CLVS1: variants seen among roughly 807,000 people sequenced by gnomAD.
The protein encoded by CLVS1 is clavesin-1.
A neutral mutation model predicts 33.1 loss-of-function variants in CLVS1; 10 were observed. That is an observed-to-expected ratio of 0.30 (90% CI 0.19 to 0.51). The LOEUF (loss-of-function observed/expected upper bound fraction) is 0.51, where lower values mean the gene tolerates loss of function less well. Among genes scored for constraint, CLVS1 ranks in the 20% least tolerant of loss-of-function variants. The probability of loss-of-function intolerance (pLI) is 0.97; values close to 1 mark genes in which losing one functional copy is unlikely to be tolerated. For synonymous variants in CLVS1, 163 were observed against 166.1 expected, an observed-to-expected ratio of 0.98 and a Z score of 0.14; for missense variants, 343 against 433.4, an observed-to-expected ratio of 0.79 and a Z score of 1.85.
the CLVS1 span, among the ~76,000 whole-genome samples, chr8:61,014,825 T>C: frequency 6.6e-6 from 1 of 152,228 alleles, no homozygotes; most frequent in African/African-American, 2.4e-5. Flanking sequence ...TGCAAAATAA[T>C]CTTATCTCTG....
At chr8:61,247,765 G>A (rs1289918684) in intron 2 of CLVS1, among the ~76,000 whole-genome samples, 1 of 152,114 alleles carries the variant, frequency 6.6e-6, no homozygotes, top group African/African-American at 2.4e-5. Context: ...AGTTTCTTTT[G>A]CTGTGCAGAA....
chr8:61,223,241 G>C (rs1317320415), intron 2 of CLVS1, among the ~76,000 whole-genome samples: 1 of 152,006 alleles, frequency 6.6e-6, no homozygotes, highest in East Asian at 1.9e-4. Flanking sequence ...TGGTTATTTT[G>C]CACACTAGTT....
intron 1 of CLVS1, among the ~76,000 whole-genome samples, chr8:61,105,150 GACTA>G: frequency 6.6e-6 from 1 of 152,252 alleles, no homozygotes; most frequent in South Asian, 2.1e-4. Context: ...TAATTTAAAA[GACTA>G]ACTATATTTG....
intron 5 of CLVS1, among the ~76,000 whole-genome samples, chr8:61,484,215 T>G (rs1319895500): frequency 6.6e-6 from 1 of 152,198 alleles, no homozygotes; most frequent in Non-Finnish European, 1.5e-5. Flanking sequence ...GCCCTAAATC[T>G]CCTTAAGTTG....
At chr8:61,145,389 T>C (rs1338737550) in intron 2 of CLVS1, among the ~76,000 whole-genome samples, 1 of 152,210 alleles carries the variant, frequency 6.6e-6, no homozygotes, top group Non-Finnish European at 1.5e-5. Context: ...ATAAAAACGT[T>C]GGGGTTGGAG....
intron 2 of CLVS1, among the ~76,000 whole-genome samples, chr8:61,353,023 GTTTC>G (rs1300490424): frequency 6.6e-6 from 1 of 152,002 alleles, no homozygotes; most frequent in Non-Finnish European, 1.5e-5. Context: ...AGAGATGACT[GTTTC>G]TTAAATGTGT....
Position 61,059,927 on chromosome 8 carries a change from C to T in CLVS1, c.-243+2697C>T, listed in dbSNP as rs191597761. On this transcript the variant is annotated intron_variant, in intron 1 of 2. Transcript: ENST00000522621. ...AGTAGAAGGGCAGATGTGAAGTATG[C>T]TACTTCTGCCTTCAGTCCTTGAAAT... Among the ~76,000 whole-genome samples the T allele has an allele frequency of 5.7e-4, 86 of 152,192 alleles. 1 individual carries two copies. Among genetic ancestry groups the T allele is most frequent in the African/African-American group, 2.0e-3 (81 of 41,518 alleles).
chr8:61,037,906 C>T, the CLVS1 span, among the ~76,000 whole-genome samples: 1 of 152,162 alleles, frequency 6.6e-6, no homozygotes, highest in Non-Finnish European at 1.5e-5. Flanking sequence ...GCTGGGTGAC[C>T]TTGCTCTGGC....
At chr8:60,998,358 T>G in the CLVS1 span, among the ~76,000 whole-genome samples, 2 of 152,176 alleles carry the variant, frequency 1.3e-5, no homozygotes, top group Non-Finnish European at 2.9e-5. Context: ...GTGAACTTAT[T>G]TGACCTTGAT....
At chr8:61,011,558 C>G in the CLVS1 span, among the ~76,000 whole-genome samples, 1 of 152,104 alleles carries the variant, frequency 6.6e-6, no homozygotes, top group South Asian at 2.1e-4. Flanking sequence ...AAGCGATTCC[C>G]CTGCCTCAGC....
At chr8:61,158,429 G>A (rs1806690177) in intron 2 of CLVS1, among the ~76,000 whole-genome samples, 2 of 152,194 alleles carry the variant, frequency 1.3e-5, no homozygotes, top group South Asian at 2.1e-4. Context: ...AGCACTCAGT[G>A]TGTACAAATT....
At chr8:61,160,112 G>A (rs771638804) in intron 2 of CLVS1, among the ~76,000 whole-genome samples, 1 of 152,176 alleles carries the variant, frequency 6.6e-6, no homozygotes, top group Non-Finnish European at 1.5e-5. Context: ...CTCTGCTGAA[G>A]AAACAGAGGA....
chr8:61,396,303 A>G (rs139988407), intron 3 of CLVS1, among the ~76,000 whole-genome samples: 223 of 152,296 alleles, frequency 1.5e-3, no homozygotes, highest in Admixed American at 2.0e-3. Context: ...CTTTTACTGT[A>G]ATTTGAATAC....
intron 5 of CLVS1, among the ~76,000 whole-genome samples, chr8:61,467,469 C>T (rs1270586437): frequency 6.6e-6 from 1 of 152,174 alleles, no homozygotes; most frequent in Non-Finnish European, 1.5e-5. Flanking sequence ...CTTTGTCCTG[C>T]CTCTGAACCC....
intron 2 of CLVS1, among the ~76,000 whole-genome samples, chr8:61,316,433 A>G (rs1811012594): frequency 6.6e-6 from 1 of 152,168 alleles, no homozygotes; most frequent in African/African-American, 2.4e-5. Flanking sequence ...ACCATATTAT[A>G]TTCTCTTTCT....
chr8:61,427,909 A>G (rs1815953999), intron 3 of CLVS1, among the ~76,000 whole-genome samples: 1 of 152,234 alleles, frequency 6.6e-6, no homozygotes, highest in African/African-American at 2.4e-5. Context: ...AGAGCCCTAC[A>G]AACATTCATC....
rs1013247153 is a variant in CLVS1, at chr8:61,226,987, T to G, written c.-151-72690T>G. Among the ~76,000 whole-genome samples the G allele has an allele frequency of 2.3e-3, 347 of 151,754 alleles. 2 individuals carry two copies. Among genetic ancestry groups the G allele is most frequent in the Admixed American group, 4.1e-3 (62 of 15,268 alleles). The stretch of plus-strand genomic sequence containing the variant: ...GCTATATTACGAAAACATGTTTTTT[T>G]TTTTTTTTTTGTTCAGCTTCAGTGT... On this transcript the variant is annotated intron_variant, in intron 2 of 2. Coordinates refer to the CLVS1 transcript ENST00000522621.
At chr8:61,266,100 T>G (rs1809297132) in intron 2 of CLVS1, among the ~76,000 whole-genome samples, 1 of 152,134 alleles carries the variant, frequency 6.6e-6, no homozygotes, top group Non-Finnish European at 1.5e-5. Flanking sequence ...GTCCTGACAA[T>G]GTTAAAATTT....
chr8:61,267,127 C>A (rs1334955581), intron 2 of CLVS1, among the ~76,000 whole-genome samples: 2 of 152,178 alleles, frequency 1.3e-5, no homozygotes, highest in African/African-American at 2.4e-5. Context: ...GAAAGAAATG[C>A]ATGTTCTGAT....
Sources: gnomAD v4.1 joint callset for allele counts (sites outside exome capture counted in the v4.1 genomes callset) on GRCh38, gnomAD v4.1.1 for gene constraint, MANE v1.5 for transcripts, NCBI Gene and HGNC (gene_info 2026-07-23, HGNC 2026-07-21) for gene names.